Variants in ITPR2 observed in about 807,000 individuals in gnomAD.
ITPR2 encodes inositol 1,4,5-trisphosphate-gated calcium channel ITPR2.
ITPR2 carries 207 observed loss-of-function variants against 317.1 expected under a neutral mutation model. The ratio of observed to expected loss-of-function variants is 0.65; its 90% confidence interval spans 0.58 to 0.73. ITPR2 has a LOEUF of 0.73. ITPR2 is among the 30% of genes least tolerant of loss of function. The probability of loss-of-function intolerance (pLI) is 0.00; values close to 1 mark genes in which losing one functional copy is unlikely to be tolerated. For synonymous variants in ITPR2, 1,156 were observed against 1,149.1 expected, an observed-to-expected ratio of 1.01 and a Z score of -0.12; for missense variants, 2,613 against 3,284.0, an observed-to-expected ratio of 0.80 and a Z score of 4.99.
At chr12:26,643,011 T>C (rs1359472130) in intron 21 of ITPR2, among the ~76,000 whole-genome samples, 1 of 152,090 alleles carries the variant, frequency 6.6e-6, no homozygotes, top group East Asian at 1.9e-4. Context: ...AGTAGAACCT[T>C]TGGGAGGTGA....
intron 13 of ITPR2, among the ~76,000 whole-genome samples, chr12:26,676,966 G>GGA (rs902113237): frequency 6.6e-6 from 1 of 151,982 alleles, no homozygotes; most frequent in African/African-American, 2.4e-5. Context: ...AAGAAGGGAG[G>GGA]GAGAATGTCA....
chr12:26,669,232 A>G (rs780975958), intron 13 of ITPR2, among the ~76,000 whole-genome samples: 29 of 151,970 alleles, frequency 1.9e-4, no homozygotes, highest in Non-Finnish European at 3.8e-4. Context: ...AGTATCAAAA[A>G]TTGATCCAGA....
chr12:26,723,114 C>T (rs1948864997), intron 4 of ITPR2, among the ~76,000 whole-genome samples: 1 of 152,248 alleles, frequency 6.6e-6, no homozygotes, highest in African/African-American at 2.4e-5. Flanking sequence ...CATCACTTCT[C>T]AGATTTTTTT....
At chr12:26,787,682 G>A (rs1032137124) in intron 2 of ITPR2, among the ~76,000 whole-genome samples, 2 of 152,106 alleles carry the variant, frequency 1.3e-5, no homozygotes, top group Non-Finnish European at 2.9e-5. Flanking sequence ...GTGAAACGTG[G>A]GCACCCCTGG....
Position 26,596,940 on chromosome 12 carries a change from G to A in ITPR2, c.4197C>T (p.Ser1399=). 1 of 1,603,034 alleles carries A rather than the reference G, an allele frequency of 6.2e-7. No individual in the cohort carries two copies. The highest frequency in any genetic ancestry group is 8.5e-7 in the Non-Finnish European group (1 of 1,173,932). The part of the protein sequence containing the change: ...KNVYTEIKCN[S]LLPLDDIVRV... ...TCACTATGTCGTCCAGCGGGAGAAG[G>A]GAATTACACTTGATTTCAGTGTAGA... The change falls in exon 31 of 57, where the codon TCC becomes TCT. Residue 1399 remains serine (S), a synonymous_variant. Coordinates refer to ENST00000381340, the MANE Select transcript of ITPR2 (RefSeq NM_002223.4).
intron 45 of ITPR2, among the ~76,000 whole-genome samples, chr12:26,444,085 G>A (rs1347287546): frequency 6.6e-6 from 1 of 152,130 alleles, no homozygotes; most frequent in African/African-American, 2.4e-5. Flanking sequence ...TGTAATCTAA[G>A]CTCTACATTA....
rs1004578377 is a variant in ITPR2 at position 26,337,198 on chromosome 12, A to T, written c.*2199T>A. On this transcript the variant is annotated 3_prime_UTR_variant, in exon 57 of 57. Coordinates refer to ENST00000381340, the MANE Select transcript of ITPR2 (RefSeq NM_002223.4). ...TAGGTCATTTCTAGAAAGCAATTAT[A>T]TACACCTAATGGCTTATTCCCTACA... The T allele has an allele frequency of 2.6e-5, 4 of 152,156 alleles. No homozygotes were observed. The highest frequency in any genetic ancestry group is 4.4e-5 in the Non-Finnish European group (3 of 68,028). 9.4% of individuals were successfully genotyped at this position (152,156 alleles called of 1,614,324 possible).
chr12:26,428,808 C>T (rs1435584749), intron 48 of ITPR2, among the ~76,000 whole-genome samples: 1 of 152,148 alleles, frequency 6.6e-6, no homozygotes, highest in Admixed American at 6.5e-5. Flanking sequence ...TTGACATTTG[C>T]ACTGACATGT....
In ITPR2 at chr12:26,568,936, T is replaced by C. The variant is rs147246243; in HGVS notation, c.4631-6984A>G. The stretch of plus-strand genomic sequence containing the variant: ...ACTGAGTGAATCCTCAATTAATCCT[T>C]ACATTGAATAATGCACGTAATTTTT... On this transcript the variant is annotated intron_variant, in intron 34 of 56. Transcript: ENST00000381340. Among the ~76,000 whole-genome samples the C allele has an allele frequency of 7.7e-4, 117 of 152,346 alleles. No homozygotes were observed. The East Asian group carries it at 0.016, about 21-fold the overall frequency.
intron 13 of ITPR2, among the ~76,000 whole-genome samples, chr12:26,678,964 T>C (rs1001514136): frequency 1.3e-5 from 2 of 152,238 alleles, no homozygotes; most frequent in Non-Finnish European, 2.9e-5. Context: ...GGAGACTTTT[T>C]AAGTGAAGCC....
chr12:26,687,931 ACT>A (rs1487116953), intron 10 of ITPR2, among the ~76,000 whole-genome samples: 1 of 152,140 alleles, frequency 6.6e-6, no homozygotes, highest in African/African-American at 2.4e-5. Flanking sequence ...GTAAATATAA[ACT>A]CTGTTTATTG....
chr12:26,513,608 A>C (rs902440013), intron 37 of ITPR2, among the ~76,000 whole-genome samples: 3 of 151,470 alleles, frequency 2.0e-5, no homozygotes, highest in Non-Finnish European at 4.4e-5. Context: ...TGCCATGAAA[A>C]GTCATCTGGG....
intron 37 of ITPR2, among the ~76,000 whole-genome samples, chr12:26,548,917 T>G (rs536931156): frequency 6.6e-6 from 1 of 152,356 alleles, no homozygotes; most frequent in South Asian, 2.1e-4. Context: ...ACCTGATTTC[T>G]TTCCGATTTT....
chr12:26,695,686 T>G (rs1405724434), intron 9 of ITPR2, 36 bp from the exon 10 acceptor site: 5 of 1,408,380 alleles, frequency 3.6e-6, no homozygotes, highest in Non-Finnish European at 5.0e-6. Flanking sequence ...TTTTCATTGC[T>G]ATGAAAAGCA....
intron 22 of ITPR2, among the ~76,000 whole-genome samples, chr12:26,629,689 T>C (rs1946703531): frequency 6.6e-6 from 1 of 152,074 alleles, no homozygotes; most frequent in East Asian, 1.9e-4. Context: ...CTTTCCTCCC[T>C]CCCTCCCTTT....
intron 37 of ITPR2, among the ~76,000 whole-genome samples, chr12:26,500,866 G>C (rs866273796): frequency 2.0e-5 from 3 of 152,238 alleles, no homozygotes; most frequent in Middle Eastern, 3.4e-3. Context: ...TGCCTTAATG[G>C]GGAGTTAATA....
chr12:26,642,585 T>C (rs1947016202), intron 21 of ITPR2, among the ~76,000 whole-genome samples: 1 of 151,968 alleles, frequency 6.6e-6, no homozygotes, highest in Admixed American at 6.6e-5. Context: ...TCCTTATACA[T>C]TACCCAGTCT....
intron 1 of ITPR2, among the ~76,000 whole-genome samples, chr12:26,811,869 A>G (rs180829772): frequency 0.014 from 2,033 of 145,866 alleles, 50 homozygotes; most frequent in African/African-American, 0.048. Context: ...AAAAAAAAAA[A>G]AAAGAAATCT....
intron 9 of ITPR2, among the ~76,000 whole-genome samples, chr12:26,708,183 T>C (rs938688599): frequency 6.6e-6 from 1 of 152,122 alleles, no homozygotes; most frequent in Admixed American, 6.5e-5. Flanking sequence ...TAGAGAACAG[T>C]ATGGCGGTTC....
Sources: allele counts gnomAD v4.1 joint callset (sites outside exome capture counted in the v4.1 genomes callset), GRCh38; gene constraint gnomAD v4.1.1; transcripts MANE v1.5; gene names NCBI Gene and HGNC (gene_info 2026-07-23, HGNC 2026-07-21).